UNC13A: variants seen among roughly 807,000 people sequenced by gnomAD.
The protein encoded by UNC13A is protein unc-13 homolog A.
Under a neutral mutation model 219.7 loss-of-function variants are expected in UNC13A, and 61 were observed. That is an observed-to-expected ratio of 0.28 (90% confidence interval 0.23 to 0.34). The LOEUF (loss-of-function observed/expected upper bound fraction) is 0.34, where lower values mean the gene tolerates loss of function less well. UNC13A is among the 10% of genes least tolerant of loss of function. The pLI, the probability that UNC13A is intolerant of heterozygous loss-of-function variation, is 1.00. For synonymous variants in UNC13A, 920 were observed against 884.6 expected (o/e 1.04, Z -0.71); for missense variants, 1,476 against 2,270.3 (o/e 0.65, Z 7.11).
Position 17,630,238 on chromosome 19 carries a change from A to G in UNC13A, c.3576T>C (p.Val1192=), listed in dbSNP as rs10413821. ...CAAAGCTCTGGTTGAGTTGGGAGAA[A>G]ACATCCACCACGGAGCAGGAGAATA... ...HALFSCSVVD[V]FSQLNQSFEI... Residue 1192 remains valine (V), a synonymous_variant, in exon 30 of 44, where the codon GTT becomes GTC. Transcript: ENST00000519716. The G allele has an allele frequency of 0.36, 567,320 of 1,556,998 alleles. 112,097 individuals are homozygous for G. Among genetic ancestry groups the G allele is most frequent in the African/African-American group, 0.8 (58,515 of 73,232 alleles).
intron 8 of UNC13A, among the ~76,000 whole-genome samples, chr19:17,658,553 C>A (rs950577045): frequency 7.2e-5 from 11 of 152,130 alleles, no homozygotes; most frequent in African/African-American, 2.4e-4. Flanking sequence ...CATCCTTCAG[C>A]TCAAATGTGA....
Position 17,688,266 on chromosome 19 carries a change from C to G in UNC13A, c.-67G>C, listed in dbSNP as rs2080153814. ...TCTGTCGGGTCGGGCTCAGCGGCCG[C>G]TGGGCTGGGGCATCTCCCGGCTGCA... On this transcript the variant is annotated 5_prime_UTR_variant, in exon 1 of 44. Transcript: ENST00000519716. 1.4e-6 allele frequency: 2 copies of G among 1,403,434 alleles called. No individual in the cohort carries two copies. The highest frequency in any genetic ancestry group is 3.4e-5 in the Admixed American group (1 of 29,330). 86.9% of individuals were successfully genotyped at this position (1,403,434 alleles called of 1,614,324 possible). A position where few individuals can be genotyped will look rare whatever the true frequency, so the allele number is the denominator to read the frequency against.
intron 8 of UNC13A, among the ~76,000 whole-genome samples, chr19:17,663,050 A>G (rs1317237497): frequency 2.0e-5 from 3 of 151,848 alleles, no homozygotes; most frequent in African/African-American, 7.3e-5. Flanking sequence ...GGGGGTGCTG[A>G]GGTCCCTGTG....
At position 17,655,655 on chromosome 19, in the gene UNC13A, G is replaced by T. The variant is rs559086943; in HGVS notation, c.1283+228C>A. ...ATTTGCCCAGGATCTTGACCTCTCC[G>T]ACCCCAGCAACCACTAAGATCACAA... On this transcript the variant is annotated intron_variant, in intron 10 of 43. Coordinates refer to ENST00000519716, the MANE Select transcript of UNC13A (RefSeq NM_001080421.3). 1.3e-4 allele frequency among the ~76,000 whole-genome samples: 20 copies of T among 149,744 alleles called. 1 individual carries two copies. Among genetic ancestry groups the T allele is most frequent in the African/African-American group, 4.4e-4 (18 of 40,466 alleles).
At chr19:17,683,875 G>A (rs531367910) in intron 1 of UNC13A, among the ~76,000 whole-genome samples, 19 of 151,808 alleles carry the variant, frequency 1.3e-4, no homozygotes, top group African/African-American at 4.6e-4. Flanking sequence ...AATCACTTGA[G>A]CCCAGGAGTT....
chr19:17,675,244 G>A (rs1373474300), intron 2 of UNC13A, among the ~76,000 whole-genome samples: 1 of 152,038 alleles, frequency 6.6e-6, no homozygotes, highest in Non-Finnish European at 1.5e-5. Flanking sequence ...TGAGGTGGGA[G>A]GATTGCTTGA....
chr19:17,626,867 A>G (rs536646525), intron 33 of UNC13A, 82 bp from the exon 34 acceptor site: 12 of 1,499,832 alleles, frequency 8.0e-6, no homozygotes, highest in East Asian at 2.4e-5. Context: ...CCTTGAGGTC[A>G]TATCATTTGC....
chr19:17,626,613 G>T lies in UNC13A; in HGVS notation c.4073+20C>A. 1 of 1,531,372 alleles carries T rather than the reference G, an allele frequency of 6.5e-7. No individual in the cohort carries two copies. The highest frequency in any genetic ancestry group is 2.0e-5 in the Admixed American group (1 of 50,414). The allele number at this position is 1,531,372 out of a possible 1,614,324, so 94.9% of individuals were successfully genotyped here. ...CCCCAGCCCCTCCCCGGCCAGCCCA[G>T]TCCACCTGGCCCAGCTCACTTGCTG... On this transcript the variant is annotated intron_variant, in intron 34 of 43. Transcript: ENST00000519716.
chr19:17,638,961 A>G (rs919997527), intron 25 of UNC13A, 122 bp downstream of exon 25: 1 of 1,221,504 alleles, frequency 8.2e-7, no homozygotes, highest in East Asian at 2.6e-5. Context: ...TAATGACCCC[A>G]TTTTATAGAA....
At chr19:17,633,293 A>G (rs774920785) in intron 26 of UNC13A, 100 bp from the exon 27 acceptor site, 3 of 1,182,772 alleles carry the variant, frequency 2.5e-6, no homozygotes, top group Non-Finnish European at 3.7e-6. Flanking sequence ...AGGGTAGGGT[A>G]GAGGGATTTG....
intron 8 of UNC13A, among the ~76,000 whole-genome samples, chr19:17,660,624 C>T (rs1472969047): frequency 6.6e-6 from 1 of 151,638 alleles, no homozygotes; most frequent in Non-Finnish European, 1.5e-5. Flanking sequence ...CTCCACCTCC[C>T]AGGTTCAAAT....
intron 2 of UNC13A, among the ~76,000 whole-genome samples, chr19:17,675,646 AG>A (rs199849741): frequency 2.1e-5 from 3 of 140,310 alleles, no homozygotes; most frequent in African/African-American, 5.8e-5. Context: ...AAAAAAAAAA[AG>A]AAGAAGAAGA....
chr19:17,655,219 C>G, intron 11 of UNC13A, 55 bp downstream of exon 11: 1 of 1,419,970 alleles, frequency 7.0e-7, no homozygotes, highest in Non-Finnish European at 9.6e-7. Context: ...GTGGGCCTGC[C>G]ATTGGGCGTG....
At chr19:17,607,308 C>G (rs1352727555) in intron 43 of UNC13A, among the ~76,000 whole-genome samples, 1 of 152,124 alleles carries the variant, frequency 6.6e-6, no homozygotes, top group Admixed American at 6.6e-5. Context: ...GTCACCCAGG[C>G]TGGAGTGCAG....
rs2076463882 is a variant in UNC13A at position 17,601,539 on chromosome 19, A to T, written c.*4515T>A. ...TGGACCGACGGGGTAGAATCAAAAC[A>T]AAACAAAAAACAAACAACGTTTTGA... is the stretch of plus-strand genomic sequence containing the variant. On this transcript the variant is annotated 3_prime_UTR_variant, in exon 44 of 44. Coordinates refer to ENST00000519716, the MANE Select transcript of UNC13A (RefSeq NM_001080421.3). The T allele has an allele frequency of 6.6e-6, 1 of 152,548 alleles. No homozygotes were observed. Among genetic ancestry groups the T allele is most frequent in the South Asian group, 2.1e-4 (1 of 4,836 alleles). 9.4% of individuals were successfully genotyped at this position (152,548 alleles called of 1,614,324 possible). A position where few individuals can be genotyped will look rare whatever the true frequency, so the allele number is the denominator to read the frequency against.
At chr19:17,668,982 G>T (rs575301020) in intron 5 of UNC13A, among the ~76,000 whole-genome samples, 1 of 152,148 alleles carries the variant, frequency 6.6e-6, no homozygotes, top group South Asian at 2.1e-4. Context: ...TTTTCATAGA[G>T]ATGGGATCTC....
At chr19:17,638,299 T>C (rs969047908) in intron 25 of UNC13A, among the ~76,000 whole-genome samples, 18 of 151,222 alleles carry the variant, frequency 1.2e-4, no homozygotes, top group Non-Finnish European at 2.7e-4. Flanking sequence ...TGAGATGCCA[T>C]CTCCACAAAA....
At position 17,646,062 on chromosome 19, in the gene UNC13A, G is replaced by A. The variant is rs748372776; in HGVS notation, c.2094C>T (p.Asp698=). ...TCCCGACCTGGACGGTGACATAGGG[G>A]TCACTGGATCCTGTCTTGTCCTTTG... The part of the protein sequence containing the change: ...LQAKDKTGSS[D]PYVTVQVGKT... Residue 698 remains aspartate, a synonymous_variant, in exon 18 of 44, where the codon GAC becomes GAT. Transcript: ENST00000519716. 9 of 1,613,844 alleles carry A rather than the reference G, an allele frequency of 5.6e-6. No individual in the cohort carries two copies. The Admixed American group carries it at 1.3e-4, about 24-fold the overall frequency.
intron 7 of UNC13A, 63 bp from the exon 8 acceptor site, chr19:17,663,630 G>T (rs1320407534): frequency 6.5e-7 from 1 of 1,536,934 alleles, no homozygotes. Context: ...GTAGGAAGGG[G>T]GCTCCCCTGC....
Sources: gnomAD v4.1 joint callset for allele counts (sites outside exome capture counted in the v4.1 genomes callset) on GRCh38, gnomAD v4.1.1 for gene constraint, MANE v1.5 for transcripts, NCBI Gene and HGNC (gene_info 2026-07-23, HGNC 2026-07-21) for gene names.